ELOVL7: variants seen among roughly 807,000 people sequenced by gnomAD.
ELOVL7 encodes ELOVL fatty acid elongase 7.
In ELOVL7, 27 loss-of-function variants were observed where a neutral mutation model predicts 35.7. The ratio of observed to expected loss-of-function variants is 0.76; its 90% CI spans 0.56 to 1.04. The LOEUF (loss-of-function observed/expected upper bound fraction) is 1.04. Among genes scored for constraint, ELOVL7 ranks in the 50% least tolerant of loss-of-function variants. ELOVL7 has a pLI of 0.00. For missense variants in ELOVL7, 327 were observed against 340.8 expected (o/e 0.96, Z 0.32); for synonymous variants, 113 against 114.6 (o/e 0.99, Z 0.09).
chr5:60,767,922 A>G lies in ELOVL7; in HGVS notation c.256-19T>C, dbSNP rs772283847. 7 of 1,601,544 alleles carry G rather than the reference A, an allele frequency of 4.4e-6. No individual in the cohort carries two copies. In the African/African-American group the frequency reaches 9.4e-5, roughly 21 times the overall value. ...TCACAAACTGCAAGAGAGCACATGCATATTAAGAAAGGAAAGCATTTTCCC... is the reference window on the plus strand; with the variant it reads ...TCACAAACTGCAAGAGAGCACATGCGTATTAAGAAAGGAAAGCATTTTCCC... On this transcript the variant is annotated intron_variant, in intron 4 of 8. Coordinates refer to ENST00000508821, the MANE Select transcript of ELOVL7 (RefSeq NM_024930.3).
intron 7 of ELOVL7, among the ~76,000 whole-genome samples, chr5:60,758,109 T>G (rs1482320110): frequency 6.6e-6 from 1 of 152,172 alleles, no homozygotes; most frequent in Non-Finnish European, 1.5e-5. Flanking sequence ...GATTCCCATG[T>G]GCTCCTTCCA....
At chr5:60,817,533 TATC>T (rs1392725429) in intron 1 of ELOVL7, among the ~76,000 whole-genome samples, 6 of 149,982 alleles carry the variant, frequency 4.0e-5, no homozygotes, top group Middle Eastern at 3.5e-3. Flanking sequence ...GATTTGGCAA[TATC>T]AACTATAAAA....
intron 1 of ELOVL7, among the ~76,000 whole-genome samples, chr5:60,832,656 G>A (rs981797445): frequency 9.9e-5 from 15 of 152,012 alleles, no homozygotes; most frequent in African/African-American, 3.4e-4. Flanking sequence ...GCGCCATCGC[G>A]CCCAGCCGGA....
chr5:60,802,113 TATATACAC>T (rs1744675518), intron 1 of ELOVL7, among the ~76,000 whole-genome samples: 1 of 6,596 alleles, frequency 1.5e-4, no homozygotes, highest in African/African-American at 6.8e-4. Flanking sequence ...TATATATATA[TATATACAC>T]ACACACACAC....
rs6449503 is a variant in ELOVL7 at position 60,799,445 on chromosome 5, G to A, written c.-85-215C>T. Among the ~76,000 whole-genome samples, 86,523 of 151,714 alleles carry A rather than the reference G, an allele frequency of 0.57. 25,472 individuals carry two copies. Among genetic ancestry groups the A allele is most frequent in the East Asian group, 0.89 (4,635 of 5,180 alleles). On this transcript the variant is annotated intron_variant, in intron 1 of 8. Transcript: ENST00000508821. ...AAAACTGACAAACCTTTAGCTGCACGAAGGAAAAAAAAGAGTATTCATAAA... is the reference window on the plus strand; with the variant it reads ...AAAACTGACAAACCTTTAGCTGCACAAAGGAAAAAAAAGAGTATTCATAAA...
chr5:60,754,946 A>T, intron 8 of ELOVL7, 113 bp from the exon 9 acceptor site: 1 of 825,584 alleles, frequency 1.2e-6, no homozygotes, highest in Non-Finnish European at 1.9e-6. Context: ...TGGGCAAAGA[A>T]GTCCATCTTT....
intron 3 of ELOVL7, chr5:60,784,153 A>G: frequency 6.6e-7 from 1 of 1,521,194 alleles, no homozygotes; most frequent in Non-Finnish European, 8.8e-7. Context: ...CTTCTTAAGT[A>G]GCAGGTACTG....
intron 1 of ELOVL7, among the ~76,000 whole-genome samples, chr5:60,838,596 A>C (rs1746969024): frequency 6.6e-6 from 1 of 152,212 alleles, no homozygotes; most frequent in African/African-American, 2.4e-5. Flanking sequence ...CCTACATTAG[A>C]AAGTCCAAGA....
intron 1 of ELOVL7, among the ~76,000 whole-genome samples, chr5:60,833,365 A>G (rs1239502816): frequency 6.6e-6 from 1 of 152,160 alleles, no homozygotes; most frequent in African/African-American, 2.4e-5. Flanking sequence ...CATGCCCATG[A>G]CCCAGCAAAG....
chr5:60,800,823 A>G (rs984469748), intron 1 of ELOVL7, among the ~76,000 whole-genome samples: 4 of 152,228 alleles, frequency 2.6e-5, no homozygotes, highest in Non-Finnish European at 5.9e-5. Context: ...CAGAGGGCCA[A>G]TTGTACATAT....
intron 1 of ELOVL7, among the ~76,000 whole-genome samples, chr5:60,832,648 G>A (rs1390338791): frequency 3.3e-5 from 5 of 152,102 alleles, no homozygotes; most frequent in South Asian, 2.1e-4. Context: ...ACAGGCGTGC[G>A]CCATCGCGCC....
At chr5:60,762,673 T>A (rs1489190241) in intron 7 of ELOVL7, among the ~76,000 whole-genome samples, 1 of 152,172 alleles carries the variant, frequency 6.6e-6, no homozygotes, top group East Asian at 1.9e-4. Context: ...AATAAATAAA[T>A]TATAAGGATG....
chr5:60,779,256 C>T (rs1338675581), intron 3 of ELOVL7, among the ~76,000 whole-genome samples: 3 of 152,206 alleles, frequency 2.0e-5, no homozygotes, highest in Non-Finnish European at 4.4e-5. Flanking sequence ...GCCCTCTTCT[C>T]ACAGCTCCAC....
intron 1 of ELOVL7, among the ~76,000 whole-genome samples, chr5:60,809,709 C>T (rs1017169234): frequency 6.6e-6 from 1 of 152,096 alleles, no homozygotes; most frequent in Non-Finnish European, 1.5e-5. Context: ...ATGTATATGC[C>T]TAAGGCAAAA....
intron 1 of ELOVL7, among the ~76,000 whole-genome samples, chr5:60,827,152 T>G (rs546792074): frequency 6.6e-6 from 1 of 152,166 alleles, no homozygotes; most frequent in Non-Finnish European, 1.5e-5. Context: ...CCTAAGCTAG[T>G]AGACAAATTG....
At chr5:60,785,597 A>G (rs1743526175) in intron 3 of ELOVL7, among the ~76,000 whole-genome samples, 1 of 152,202 alleles carries the variant, frequency 6.6e-6, no homozygotes, top group African/African-American at 2.4e-5. Context: ...GAGTTCATGT[A>G]GCAAGGCACA....
chr5:60,770,897 C>T (rs1742542003), intron 4 of ELOVL7, among the ~76,000 whole-genome samples: 1 of 151,994 alleles, frequency 6.6e-6, no homozygotes, highest in Non-Finnish European at 1.5e-5. Flanking sequence ...ACAAGGTCTC[C>T]CTATGTTGTC....
Position 60,754,146 on chromosome 5 carries a change from A to G in ELOVL7, c.*478T>C, listed in dbSNP as rs939931327. The G allele has an allele frequency of 6.5e-6, 1 of 154,882 alleles. No homozygotes were observed. Among genetic ancestry groups the G allele is most frequent in the Admixed American group, 6.3e-5 (1 of 15,838 alleles). The allele number at this position is 154,882 out of a possible 1,614,324, so 9.6% of individuals were successfully genotyped here. On this transcript the variant is annotated 3_prime_UTR_variant, in exon 9 of 9. Coordinates refer to ENST00000508821, the MANE Select transcript of ELOVL7 (RefSeq NM_024930.3). ...CTAAAATGGGAGTTAACTCTAGAGC[A>G]AATATAGTATCTTCTGAATACAGTC...
At chr5:60,840,463 C>T (rs1230186403) in intron 1 of ELOVL7, among the ~76,000 whole-genome samples, 1 of 152,146 alleles carries the variant, frequency 6.6e-6, no homozygotes, top group Non-Finnish European at 1.5e-5. Flanking sequence ...AACAAATTCT[C>T]CCTCAGAGCT....
Sources: allele counts gnomAD v4.1 joint callset (sites outside exome capture counted in the v4.1 genomes callset), GRCh38; gene constraint gnomAD v4.1.1; transcripts MANE v1.5; gene names NCBI Gene and HGNC (gene_info 2026-07-23, HGNC 2026-07-21).